ADAMTS18: variants seen among roughly 807,000 people sequenced by gnomAD.
ADAMTS18 encodes A disintegrin and metalloproteinase with thrombospondin motifs 18.
In ADAMTS18, 157 loss-of-function variants were observed where a neutral mutation model predicts 165.9. The observed-to-expected ratio is 0.95, with a 90% CI of 0.83 to 1.08. ADAMTS18 has a LOEUF of 1.08. Ranked by LOEUF, ADAMTS18 falls within the 50% of genes least tolerant of loss-of-function variation. The pLI, the probability that ADAMTS18 is intolerant of heterozygous loss-of-function variation, is 0.00. For synonymous variants in ADAMTS18, 782 were observed against 578.2 expected (o/e 1.35, Z -5.06); for missense variants, 2,040 against 1,534.0 (o/e 1.33, Z -5.51).
At chr16:77,351,300 G>A (rs1349865287) in intron 10 of ADAMTS18, among the ~76,000 whole-genome samples, 1 of 152,102 alleles carries the variant, frequency 6.6e-6, no homozygotes, top group Non-Finnish European at 1.5e-5. Flanking sequence ...CCCTGTCCTT[G>A]TTTGACTCAA....
At chr16:77,311,204 C>T (rs187857043) in intron 16 of ADAMTS18, among the ~76,000 whole-genome samples, 5 of 152,264 alleles carry the variant, frequency 3.3e-5, no homozygotes, top group Admixed American at 3.3e-4. Context: ...AGTGAATATA[C>T]AATAATTTTA....
intron 17 of ADAMTS18, among the ~76,000 whole-genome samples, chr16:77,298,953 C>T (rs1293602093): frequency 6.6e-6 from 1 of 152,260 alleles, no homozygotes; most frequent in Non-Finnish European, 1.5e-5. Flanking sequence ...GAGAATTTCA[C>T]AACTGGCTTC....
intron 16 of ADAMTS18, among the ~76,000 whole-genome samples, chr16:77,303,091 A>T (rs925505885): frequency 6.6e-6 from 1 of 152,084 alleles, no homozygotes; most frequent in Admixed American, 6.6e-5. Flanking sequence ...CCCTGCTGTC[A>T]CTCAGGATGC....
At chr16:77,361,491 A>G (rs983849671) in intron 7 of ADAMTS18, among the ~76,000 whole-genome samples, 3 of 152,330 alleles carry the variant, frequency 2.0e-5, no homozygotes, top group Middle Eastern at 3.4e-3. Context: ...AATCCTCTTC[A>G]GCTACCTGAT....
chr16:77,399,630 G>T (rs929204656), intron 3 of ADAMTS18, among the ~76,000 whole-genome samples: 7 of 152,134 alleles, frequency 4.6e-5, no homozygotes, highest in Non-Finnish European at 8.8e-5. Flanking sequence ...AAATGGAGAA[G>T]AAAACACTAT....
In ADAMTS18 at chr16:77,320,164, G is replaced by A. The variant is rs570325339; in HGVS notation, c.2288-71C>T. On this transcript the variant is annotated intron_variant, in intron 15 of 22. Transcript: ENST00000282849. ...GGAGAAAAGGGACTAGAAATGGCCC[G>A]ACATGTAGTGTTCAGTTTTATAGAG... The A allele has an allele frequency of 6.0e-5, 94 of 1,575,674 alleles. 1 individual carries two copies. The African/African-American group carries it at 9.5e-4, about 16-fold the overall frequency.
At chr16:77,341,998 C>A (rs2056405658) in intron 10 of ADAMTS18, among the ~76,000 whole-genome samples, 199 bp from the exon 11 acceptor site, 1 of 152,094 alleles carries the variant, frequency 6.6e-6, no homozygotes, top group Non-Finnish European at 1.5e-5. Flanking sequence ...TCTACAGTAT[C>A]CAGATATTCA....
chr16:77,353,650 C>A, intron 10 of ADAMTS18, 83 bp downstream of exon 10: 1 of 1,602,996 alleles, frequency 6.2e-7, no homozygotes, highest in East Asian at 2.2e-5. Flanking sequence ...TTGGCCTTGG[C>A]AAACCAAATG....
At chr16:77,318,345 G>A (rs777788861) in intron 16 of ADAMTS18, among the ~76,000 whole-genome samples, 6 of 152,192 alleles carry the variant, frequency 3.9e-5, no homozygotes, top group Non-Finnish European at 7.3e-5. Flanking sequence ...ACAAGTAGCT[G>A]AGCCTTGCCA....
chr16:77,307,796 G>T (rs1369010204), intron 16 of ADAMTS18, among the ~76,000 whole-genome samples: 1 of 152,012 alleles, frequency 6.6e-6, no homozygotes, highest in African/African-American at 2.4e-5. Flanking sequence ...GTATCTTGAG[G>T]CACTTCCTTA....
chr16:77,361,945 A>G (rs2056720993), intron 7 of ADAMTS18, among the ~76,000 whole-genome samples, 160 bp downstream of exon 7: 1 of 152,238 alleles, frequency 6.6e-6, no homozygotes, highest in Non-Finnish European at 1.5e-5. Flanking sequence ...AAGTTCAGTT[A>G]AAAAGAACAA....
intron 21 of ADAMTS18, chr16:77,290,853 G>C (rs1464773538): frequency 3.9e-6 from 1 of 253,344 alleles, no homozygotes; most frequent in East Asian, 1.1e-4. Context: ...GTAATAGCTT[G>C]ACAAATATTA....
intron 3 of ADAMTS18, among the ~76,000 whole-genome samples, chr16:77,400,260 G>A (rs1051361212): frequency 6.6e-6 from 1 of 152,038 alleles, no homozygotes; most frequent in Non-Finnish European, 1.5e-5. Flanking sequence ...ATCCCACCTA[G>A]AGCCAGCATT....
At chr16:77,425,975 G>T (rs144821819) in intron 3 of ADAMTS18, among the ~76,000 whole-genome samples, 1 of 152,080 alleles carries the variant, frequency 6.6e-6, no homozygotes, top group Non-Finnish European at 1.5e-5. Flanking sequence ...GAATCTGGGA[G>T]ACAGAGGTTG....
At chr16:77,306,668 T>A (rs1281545069) in intron 16 of ADAMTS18, among the ~76,000 whole-genome samples, 1 of 152,214 alleles carries the variant, frequency 6.6e-6, no homozygotes, top group Non-Finnish European at 1.5e-5. Flanking sequence ...ATTCCTGTCC[T>A]CAATAATGTA....
At chr16:77,295,201 G>T (rs1266929902) in intron 18 of ADAMTS18, 74 bp from the exon 19 acceptor site, 1 of 1,497,586 alleles carries the variant, frequency 6.7e-7, no homozygotes. Flanking sequence ...TACTGTGAAA[G>T]GTAAACCACC....
intron 3 of ADAMTS18, among the ~76,000 whole-genome samples, chr16:77,386,889 T>C (rs1025221777): frequency 6.6e-6 from 1 of 152,188 alleles, no homozygotes; most frequent in Non-Finnish European, 1.5e-5. Flanking sequence ...TTGTGAAATC[T>C]GTGAGTCTGC....
At chr16:77,434,575 C>T in intron 1 of ADAMTS18, 31 bp downstream of exon 1, 1 of 1,529,710 alleles carries the variant, frequency 6.5e-7, no homozygotes, top group African/African-American at 1.4e-5. Flanking sequence ...CCCTGCCACC[C>T]GCTCTCGGAG....
In ADAMTS18 at chr16:77,434,623, G is replaced by A. The variant is rs1033765621; in HGVS notation, c.73C>T (p.Leu25=). The A allele has an allele frequency of 2.0e-6, 3 of 1,509,502 alleles. No individual in the cohort carries two copies. In the African/African-American group the frequency reaches 4.3e-5, roughly 22 times the overall value. 93.5% of individuals were successfully genotyped at this position (1,509,502 alleles called of 1,614,324 possible). A position where few individuals can be genotyped will look rare whatever the true frequency, so the allele number is the denominator to read the frequency against. ...GSGPPRGLAG[L]GRVAKALQLC... ...GCACCTGCCTTGGCCACGCGCCCCA[G>A]TCCCGCCAGGCCCCTCGGCGGGCCC... Residue 25 remains leucine, a synonymous_variant, in exon 1 of 23, where the codon CTG becomes TTG. Coordinates refer to ENST00000282849, the MANE Select transcript of ADAMTS18 (RefSeq NM_199355.4).
Sources: gnomAD v4.1 joint callset for allele counts (sites outside exome capture counted in the v4.1 genomes callset) on GRCh38, gnomAD v4.1.1 for gene constraint, MANE v1.5 for transcripts, NCBI Gene and HGNC (gene_info 2026-07-23, HGNC 2026-07-21) for gene names.